ERBB4: variants seen among roughly 807,000 people sequenced by gnomAD.
The protein encoded by ERBB4 is erb-b2 receptor tyrosine kinase 4.
A neutral mutation model predicts 158.0 loss-of-function variants in ERBB4; 42 were observed. The ratio of observed to expected loss-of-function variants is 0.27; its 90% CI spans 0.21 to 0.34. The LOEUF is 0.34. ERBB4 is among the 10% of genes least tolerant of loss of function. The pLI, the probability that ERBB4 is intolerant of heterozygous loss-of-function variation, is 1.00. For synonymous variants in ERBB4, 583 were observed against 558.7 expected (o/e 1.04, Z -0.61); for missense variants, 1,333 against 1,624.1 (o/e 0.82, Z 3.08).
At chr2:212,001,596 G>A (rs1314527851) in intron 2 of ERBB4, among the ~76,000 whole-genome samples, 1 of 152,200 alleles carries the variant, frequency 6.6e-6, no homozygotes, top group Non-Finnish European at 1.5e-5. Flanking sequence ...CATTACCACA[G>A]TTAGATGTGC....
Position 211,542,790 on chromosome 2 carries a change from A to C in ERBB4, c.2487+19113T>G, listed in dbSNP as rs1351915138. Among the ~76,000 whole-genome samples, 3 of 151,922 alleles carry C rather than the reference A, an allele frequency of 2.0e-5. No homozygotes were observed. In the East Asian group the frequency reaches 5.8e-4, roughly 29 times the overall value. On this transcript the variant is annotated intron_variant, in intron 20 of 27. Transcript: ENST00000342788. ...AAGTGCTTTAGAATTATTAATAACC[A>C]CAACTCTCCCAGGAGTGATTTCTTT...
rs545847200 is a variant in ERBB4 at position 211,707,563 on chromosome 2, T to C, written c.1125-2172A>G. Among the ~76,000 whole-genome samples, 26 of 152,308 alleles carry C rather than the reference T, an allele frequency of 1.7e-4. No homozygotes were observed. In the South Asian group the frequency reaches 5.4e-3, roughly 32 times the overall value. On this transcript the variant is annotated intron_variant, in intron 9 of 27. Coordinates refer to ENST00000342788, the MANE Select transcript of ERBB4 (RefSeq NM_005235.3). ...ATTGCAGGCTACTATGTAAACCCTT[T>C]CTTGCCAGTGTCTCATTGTGACACA...
intron 22 of ERBB4, among the ~76,000 whole-genome samples, chr2:211,428,064 G>A (rs2063669110): frequency 6.6e-6 from 1 of 151,872 alleles, no homozygotes; most frequent in Non-Finnish European, 1.5e-5. Context: ...GGTGGATGGA[G>A]GGCAAGGGGA....
chr2:211,997,589 A>T (rs2082229547), intron 2 of ERBB4, among the ~76,000 whole-genome samples: 1 of 152,034 alleles, frequency 6.6e-6, no homozygotes, highest in Non-Finnish European at 1.5e-5. Flanking sequence ...ATGTTAATTC[A>T]TCAATAATTT....
At chr2:211,609,502 G>A (rs992755692) in intron 19 of ERBB4, among the ~76,000 whole-genome samples, 1 of 152,124 alleles carries the variant, frequency 6.6e-6, no homozygotes, top group Admixed American at 6.5e-5. Context: ...AATTTTCCCT[G>A]TATCTTTGGG....
rs1215048952 is a variant in ERBB4 at position 211,987,341 on chromosome 2, A to AAAAAAAAAAAAAAG, written c.235-39726_235-39725insCTTTTTTTTTTTTT. ...ATCTCAAGAAAAGACAAAAAAAAAA[A>AAAAAAAAAAAAAAG]AAAGAAAGAAATCTATCACCCATGA... On this transcript the variant is annotated intron_variant, in intron 2 of 27. Transcript: ENST00000342788. 1.2e-3 allele frequency among the ~76,000 whole-genome samples: 149 copies of AAAAAAAAAAAAAAG among 124,388 alleles called. 4 individuals are homozygous for AAAAAAAAAAAAAAG. The highest frequency in any genetic ancestry group is 1.7e-3 in the South Asian group (6 of 3,556). The allele number at this position is 124,388 out of a possible 152,430, so 81.6% of individuals were successfully genotyped here.
rs967467666 is a variant in ERBB4, at chr2:212,326,970, C to G, written c.83-202067G>C. 8.6e-5 allele frequency among the ~76,000 whole-genome samples: 13 copies of G among 150,752 alleles called. 1 individual carries two copies. Among genetic ancestry groups the G allele is most frequent in the African/African-American group, 3.1e-4 (13 of 41,292 alleles). ...AACAAGATTCTAATAAGTTCCATGA[C>G]AAGTAAAACAACTATTCATTGAGAT... On this transcript the variant is annotated intron_variant, in intron 1 of 27. Coordinates refer to ENST00000342788, the MANE Select transcript of ERBB4 (RefSeq NM_005235.3).
chr2:212,305,011 CTAA>C (rs975638691), intron 1 of ERBB4, among the ~76,000 whole-genome samples: 2 of 151,090 alleles, frequency 1.3e-5, no homozygotes, highest in Non-Finnish European at 3.0e-5. Flanking sequence ...CATTAAAATA[CTAA>C]TAAGGCACTT....
rs1181840204 is a variant in ERBB4, at chr2:211,897,168, A to C, written c.421+50262T>G. Among the ~76,000 whole-genome samples the C allele has an allele frequency of 2.6e-5, 4 of 151,582 alleles. 1 individual carries two copies. The highest frequency in any genetic ancestry group is 9.7e-5 in the African/African-American group (4 of 41,354). ...TAAAAATCTAAAGAAAAATATCATA[A>C]AAATTTTTGAAGTCTGCTTTACTAT... On this transcript the variant is annotated intron_variant, in intron 3 of 27. Coordinates refer to ENST00000342788, the MANE Select transcript of ERBB4 (RefSeq NM_005235.3).
intron 2 of ERBB4, among the ~76,000 whole-genome samples, chr2:212,035,151 C>G (rs1432715012): frequency 6.6e-6 from 1 of 152,154 alleles, no homozygotes; most frequent in East Asian, 1.9e-4. Context: ...CTCTAAAATT[C>G]AAGCCTGTGT....
chr2:211,704,217 A>G, intron 10 of ERBB4, 23 bp from the exon 11 acceptor site: 3 of 1,366,618 alleles, frequency 2.2e-6, no homozygotes, highest in South Asian at 1.2e-5. Flanking sequence ...AGTAGAAAAA[A>G]TAAATCAGAA....
chr2:211,760,552 TTTCA>T, intron 4 of ERBB4, among the ~76,000 whole-genome samples: 1 of 152,352 alleles, frequency 6.6e-6, no homozygotes, highest in Admixed American at 6.5e-5. Flanking sequence ...TGAATCAACA[TTTCA>T]TGTAAGTATC....
At chr2:212,031,298 C>A (rs982068529) in intron 2 of ERBB4, among the ~76,000 whole-genome samples, 1 of 152,038 alleles carries the variant, frequency 6.6e-6, no homozygotes, top group African/African-American at 2.4e-5. Context: ...TTCCAAGTAG[C>A]CACATTTCCT....
At chr2:212,312,743 T>G (rs1011879174) in intron 1 of ERBB4, among the ~76,000 whole-genome samples, 1 of 151,004 alleles carries the variant, frequency 6.6e-6, no homozygotes, top group African/African-American at 2.4e-5. Context: ...CAGCTTTAGA[T>G]TAGAGTGAAG....
chr2:211,776,785 A>G (rs1157627410), intron 4 of ERBB4, among the ~76,000 whole-genome samples: 2 of 152,108 alleles, frequency 1.3e-5, no homozygotes, highest in Admixed American at 1.3e-4. Flanking sequence ...ATTTAGGGGT[A>G]TGTTATATTG....
chr2:212,249,753 A>G (rs2084459084), intron 1 of ERBB4, among the ~76,000 whole-genome samples: 1 of 152,052 alleles, frequency 6.6e-6, no homozygotes, highest in African/African-American at 2.4e-5. Context: ...CCACAAACTA[A>G]TAGGAAGCAA....
rs758448680 is a variant in ERBB4, at chr2:211,722,575, C to G, written c.742-41G>C. 3.7e-6 allele frequency: 6 copies of G among 1,600,142 alleles called. No homozygotes were observed. The African/African-American group carries it at 6.7e-5, about 18-fold the overall frequency. The stretch of plus-strand genomic sequence containing the variant: ...TATTACTTTCATTTACAAATAAACT[C>G]ATAATACTTGTTAATGAAACGCTGC... On this transcript the variant is annotated intron_variant, in intron 6 of 27. Coordinates refer to ENST00000342788, the MANE Select transcript of ERBB4 (RefSeq NM_005235.3).
At chr2:212,191,325 G>A (rs538606328) in intron 1 of ERBB4, among the ~76,000 whole-genome samples, 2 of 152,000 alleles carry the variant, frequency 1.3e-5, no homozygotes, top group Admixed American at 1.3e-4. Context: ...CCGATTTAAC[G>A]AATCATCCAT....
chr2:212,230,682 T>C (rs1257448388), intron 1 of ERBB4, among the ~76,000 whole-genome samples: 1 of 152,198 alleles, frequency 6.6e-6, no homozygotes, highest in Non-Finnish European at 1.5e-5. Flanking sequence ...TCTACGTCTA[T>C]ATAATATGAA....
Sources: gnomAD v4.1 joint callset for allele counts (sites outside exome capture counted in the v4.1 genomes callset) on GRCh38, gnomAD v4.1.1 for gene constraint, MANE v1.5 for transcripts, NCBI Gene and HGNC (gene_info 2026-07-23, HGNC 2026-07-21) for gene names.